BLK: variants seen among roughly 807,000 people sequenced by gnomAD.
BLK encodes the protein tyrosine-protein kinase Blk.
In BLK, 64 loss-of-function variants were observed where a neutral mutation model predicts 61.8. The observed-to-expected ratio is 1.03, with a 90% confidence interval of 0.85 to 1.27. The LOEUF is 1.27. Among genes scored for constraint, BLK ranks in the 50% most tolerant of loss-of-function variants. BLK has a pLI of 0.00. For synonymous variants in BLK, 351 were observed against 272.0 expected (o/e 1.29, Z -2.86); for missense variants, 853 against 660.5 (o/e 1.29, Z -3.19).
At chr8:11,509,177 C>T (rs1322171838) in intron 1 of BLK, 1 of 152,172 alleles carries the variant, frequency 6.6e-6, no homozygotes, top group Admixed American at 6.5e-5. Context: ...GTTGGCAATC[C>T]TCTCTCTCGG....
intron 1 of BLK, among the ~76,000 whole-genome samples, chr8:11,502,543 C>A (rs894295097): frequency 1.3e-5 from 2 of 152,194 alleles, no homozygotes; most frequent in Non-Finnish European, 2.9e-5. Flanking sequence ...CCAGTTCGGC[C>A]TCCCAAACTG....
At chr8:11,534,073 A>T (rs1464619034) in intron 1 of BLK, among the ~76,000 whole-genome samples, 2 of 152,206 alleles carry the variant, frequency 1.3e-5, no homozygotes, top group Non-Finnish European at 2.9e-5. Context: ...GGCATTTTTT[A>T]AAAATGCAGA....
chr8:11,508,714 G>A (rs867991003), intron 1 of BLK, among the ~76,000 whole-genome samples: 8 of 152,202 alleles, frequency 5.3e-5, no homozygotes, highest in Non-Finnish European at 7.3e-5. Flanking sequence ...GGCCTCGGGC[G>A]GCAGAAATAA....
intron 1 of BLK, among the ~76,000 whole-genome samples, chr8:11,508,899 C>T (rs903474875): frequency 1.3e-5 from 2 of 152,160 alleles, no homozygotes; most frequent in African/African-American, 4.8e-5. Context: ...GAGGTGCCTG[C>T]CCATCCACTG....
intron 1 of BLK, among the ~76,000 whole-genome samples, chr8:11,525,448 A>C (rs563240996): frequency 6.6e-6 from 1 of 151,458 alleles, no homozygotes; most frequent in South Asian, 2.1e-4. Context: ...TTTAAATTTC[A>C]CACAAGCAGG....
intron 5 of BLK, among the ~76,000 whole-genome samples, chr8:11,549,392 G>A (rs1192183650): frequency 2.0e-5 from 3 of 152,216 alleles, no homozygotes; most frequent in Non-Finnish European, 2.9e-5. Flanking sequence ...CGGCCCCAGT[G>A]TCTGATGGCC....
intron 1 of BLK, among the ~76,000 whole-genome samples, chr8:11,538,290 A>G (rs766579533): frequency 4.6e-5 from 7 of 152,128 alleles, no homozygotes; most frequent in Non-Finnish European, 1.0e-4. Context: ...CTCTGTCTGG[A>G]CTTCTGCACT....
intron 1 of BLK, among the ~76,000 whole-genome samples, chr8:11,502,444 C>T (rs1014906563): frequency 1.3e-5 from 2 of 152,112 alleles, no homozygotes; most frequent in African/African-American, 4.8e-5. Flanking sequence ...GCTGGGATTA[C>T]AGGCACCCGC....
intron 11 of BLK, 40 bp from the exon 12 acceptor site, chr8:11,562,939 C>A: frequency 1.2e-6 from 2 of 1,612,782 alleles, no homozygotes; most frequent in Non-Finnish European, 1.7e-6. Flanking sequence ...TAGGGGCCAC[C>A]GGCCGTGGCC....
At chr8:11,495,036 G>A (rs924017506) in intron 1 of BLK, among the ~76,000 whole-genome samples, 4 of 152,290 alleles carry the variant, frequency 2.6e-5, no homozygotes, top group Non-Finnish European at 4.4e-5. Context: ...TGTTGCTTTC[G>A]TTTTATTTGT....
chr8:11,517,490 C>A (rs1464914882), intron 1 of BLK, among the ~76,000 whole-genome samples: 2 of 152,176 alleles, frequency 1.3e-5, no homozygotes, highest in Non-Finnish European at 2.9e-5. Flanking sequence ...TTGGCTTGAG[C>A]CTCCCAGCTG....
rs955164663 is a variant in BLK, at chr8:11,560,040, AG to A, written c.1030-1261del. The A allele has an allele frequency of 4.7e-4, 164 of 346,600 alleles. 2 individuals are homozygous for A. Among genetic ancestry groups the A allele is most frequent in the African/African-American group, 2.4e-3 (112 of 46,062 alleles). The allele number at this position is 346,600 out of a possible 1,614,324, so 21.5% of individuals were successfully genotyped here. ...TGTTAGATGCTGCCCAGATATATTT[AG>A]TACTCAGTTTTATATTCCCCACAGT... On this transcript the variant is annotated intron_variant, in intron 10 of 12. Coordinates refer to ENST00000259089, the MANE Select transcript of BLK (RefSeq NM_001715.3).
chr8:11,524,251 G>C (rs1039297350), intron 1 of BLK, among the ~76,000 whole-genome samples: 4 of 152,098 alleles, frequency 2.6e-5, no homozygotes, highest in African/African-American at 4.8e-5. Context: ...AATATAAACA[G>C]TTTGGCCCAT....
chr8:11,532,441 G>A (rs1799928833), intron 1 of BLK, among the ~76,000 whole-genome samples: 1 of 147,758 alleles, frequency 6.8e-6, no homozygotes, highest in South Asian at 2.1e-4. Flanking sequence ...GAACTCCTGA[G>A]CTCAAATGAT....
intron 9 of BLK, among the ~76,000 whole-genome samples, chr8:11,557,076 G>A (rs1268780671): frequency 6.6e-6 from 1 of 152,182 alleles, no homozygotes; most frequent in Non-Finnish European, 1.5e-5. Flanking sequence ...AGTTCAGACA[G>A]CATTTCTGGA....
chr8:11,518,143 G>C (rs1251650797), intron 1 of BLK, among the ~76,000 whole-genome samples: 1 of 152,174 alleles, frequency 6.6e-6, no homozygotes, highest in Non-Finnish European at 1.5e-5. Context: ...AGAGAGCCCA[G>C]TTCTCCTGGG....
At chr8:11,508,356 C>G (rs1489645114) in intron 1 of BLK, among the ~76,000 whole-genome samples, 2 of 152,212 alleles carry the variant, frequency 1.3e-5, no homozygotes, top group African/African-American at 4.8e-5. Flanking sequence ...GGGGCGCGTG[C>G]TAGGTGACTG....
chr8:11,509,319 C>G (rs1343834342), intron 1 of BLK: 3 of 152,232 alleles, frequency 2.0e-5, no homozygotes, highest in Non-Finnish European at 4.4e-5. Context: ...AGGGACTTTA[C>G]CATCCACCAT....
intron 1 of BLK, among the ~76,000 whole-genome samples, chr8:11,519,586 A>C (rs377457204): frequency 1.3e-5 from 2 of 152,254 alleles, no homozygotes; most frequent in African/African-American, 4.8e-5. Flanking sequence ...GCATCGTAAC[A>C]GTTCATGCTT....
Sources: gnomAD v4.1 joint callset for allele counts (sites outside exome capture counted in the v4.1 genomes callset) on GRCh38, gnomAD v4.1.1 for gene constraint, MANE v1.5 for transcripts, NCBI Gene and HGNC (gene_info 2026-07-23, HGNC 2026-07-21) for gene names.